Variants in TG observed in about 807,000 individuals in gnomAD.
TG encodes thyroglobulin, also known as thyroid hormones.
TG carries 270 observed loss-of-function variants against 324.7 expected under a neutral mutation model. That is an observed-to-expected ratio of 0.83 (90% CI 0.75 to 0.92). The LOEUF is 0.92. Among genes scored for constraint, TG ranks in the 40% least tolerant of loss-of-function variants. The pLI is 0.00. For synonymous variants in TG, 1,401 were observed against 1,327.0 expected (o/e 1.06, Z -1.21); for missense variants, 3,591 against 3,456.4 (o/e 1.04, Z -0.98).
intron 5 of TG, among the ~76,000 whole-genome samples, chr8:132,876,011 A>G (rs1031231888): frequency 6.6e-6 from 1 of 150,906 alleles, no homozygotes; most frequent in African/African-American, 2.4e-5. Context: ...GCAAAGAGTA[A>G]TTTTTTTTTT....
At chr8:132,947,063 A>G (rs1314244311) in intron 26 of TG, among the ~76,000 whole-genome samples, 1 of 152,010 alleles carries the variant, frequency 6.6e-6, no homozygotes, top group Admixed American at 6.5e-5. Flanking sequence ...TGCTGCCCTC[A>G]CGTTCCACAG....
chr8:132,979,928 C>A (rs1414478258), intron 34 of TG, among the ~76,000 whole-genome samples: 1 of 152,124 alleles, frequency 6.6e-6, no homozygotes, highest in South Asian at 2.1e-4. Flanking sequence ...GCACTTCTGA[C>A]CATATAAATT....
At chr8:132,956,469 G>T (rs1475764314) in intron 27 of TG, among the ~76,000 whole-genome samples, 17 of 152,218 alleles carry the variant, frequency 1.1e-4, no homozygotes, top group Admixed American at 6.5e-5. Flanking sequence ...ACCAGCTGGA[G>T]AGCTCAGGGA....
intron 26 of TG, among the ~76,000 whole-genome samples, chr8:132,947,009 G>A (rs1017007509): frequency 2.6e-5 from 4 of 152,150 alleles, no homozygotes; most frequent in African/African-American, 9.7e-5. Context: ...ACAGTGATCA[G>A]CCTTCCTCGA....
At chr8:133,054,815 C>A (rs984404181) in intron 41 of TG, among the ~76,000 whole-genome samples, 1 of 152,180 alleles carries the variant, frequency 6.6e-6, no homozygotes, top group South Asian at 2.1e-4. Context: ...GGGGAGGGAC[C>A]CAGGCAGGCC....
At chr8:132,972,576 G>GTT (rs34669143) in intron 33 of TG, 22 bp from the exon 34 acceptor site, 151 of 1,480,514 alleles carry the variant, frequency 1.0e-4, no homozygotes, top group Admixed American at 4.0e-4. Flanking sequence ...GTGGTTTTTT[G>GTT]TTTTTTTTTT....
rs1839291510 is a variant in TG, at chr8:132,869,654, A to C, written c.177-75A>C. The C allele has an allele frequency of 6.2e-6, 8 of 1,283,534 alleles. No homozygotes were observed. In the South Asian group the frequency reaches 8.3e-5, roughly 13 times the overall value. The allele number at this position is 1,283,534 out of a possible 1,614,324, so 79.5% of individuals were successfully genotyped here. A position where few individuals can be genotyped will look rare whatever the true frequency, so the allele number is the denominator to read the frequency against. ...TGCAAGAATGGAAATGAAGAAGAAAAGTAGCCTGAGTGGGAGCCGGCATGT... is the reference window on the plus strand; with the variant it reads ...TGCAAGAATGGAAATGAAGAAGAAACGTAGCCTGAGTGGGAGCCGGCATGT... On this transcript the variant is annotated intron_variant, in intron 2 of 47. Transcript: ENST00000220616.
At chr8:132,970,132 C>G (rs1023112649) in intron 32 of TG, among the ~76,000 whole-genome samples, 3 of 151,882 alleles carry the variant, frequency 2.0e-5, no homozygotes, top group African/African-American at 7.3e-5. Flanking sequence ...ATTGTCAAAA[C>G]CTCACATTGC....
At chr8:133,072,797 G>A (rs1469062949) in intron 41 of TG, 1 of 152,050 alleles carries the variant, frequency 6.6e-6, no homozygotes, top group African/African-American at 2.4e-5. Context: ...AGTGTTATTC[G>A]GAAAGCGACT....
chr8:133,024,960 C>T (rs1248008891), intron 40 of TG, among the ~76,000 whole-genome samples: 1 of 152,164 alleles, frequency 6.6e-6, no homozygotes, highest in Non-Finnish European at 1.5e-5. Context: ...AATCTCATTA[C>T]TGGGTATATA....
At chr8:133,103,395 C>G (rs946271558) in intron 43 of TG, among the ~76,000 whole-genome samples, 1 of 152,180 alleles carries the variant, frequency 6.6e-6, no homozygotes, top group African/African-American at 2.4e-5. Context: ...CCCCACATTA[C>G]CCCTCACAGC....
rs530685764 is a variant in TG at position 132,875,545 on chromosome 8, G to GCCT, written c.638+2325_638+2327dup. On this transcript the variant is annotated intron_variant, in intron 5 of 47. Transcript: ENST00000220616. ...GTTCCCCTACAGTGCATGGCACAGA[G>GCCT]CCTTGCACACAGCAGGTCTGGAATC... is the stretch of plus-strand genomic sequence containing the variant. Among the ~76,000 whole-genome samples the GCCT allele has an allele frequency of 2.1e-3, 325 of 152,306 alleles. 2 individuals are homozygous for GCCT. Among genetic ancestry groups the GCCT allele is most frequent in the African/African-American group, 7.6e-3 (317 of 41,552 alleles).
rs147961604 is a variant in TG at position 132,964,889 on chromosome 8, A to T, written c.5549-1671A>T. 3.1e-4 allele frequency: 217 copies of T among 702,100 alleles called. No homozygotes were observed. The African/African-American group carries it at 3.2e-3, about 11-fold the overall frequency. The allele number at this position is 702,100 out of a possible 1,614,324, so 43.5% of individuals were successfully genotyped here. On this transcript the variant is annotated intron_variant, in intron 29 of 47. Transcript: ENST00000220616. ...TGCTAGCAGCCTGCAGGGGCCAGGAAAGGTTTCTCGGAGGAGGCCAGAAGG... is the reference window on the plus strand; with the variant it reads ...TGCTAGCAGCCTGCAGGGGCCAGGATAGGTTTCTCGGAGGAGGCCAGAAGG...
intron 35 of TG, among the ~76,000 whole-genome samples, chr8:133,006,321 G>A (rs73359323): frequency 0.02 from 3,008 of 152,296 alleles, 101 homozygotes; most frequent in African/African-American, 0.066. Flanking sequence ...AAACTTGGAC[G>A]TGTGTCGGAA....
chr8:132,869,142 T>C (rs527245568), intron 2 of TG, among the ~76,000 whole-genome samples: 66 of 152,314 alleles, frequency 4.3e-4, no homozygotes, highest in Admixed American at 1.8e-3. Flanking sequence ...TGTTCTGGCC[T>C]CTTGCAGTTT....
At chr8:133,125,824 T>C (rs1851474578) in intron 45 of TG, among the ~76,000 whole-genome samples, 1 of 152,142 alleles carries the variant, frequency 6.6e-6, no homozygotes, top group Non-Finnish European at 1.5e-5. Flanking sequence ...AAATGAGTCT[T>C]GTAGTTCACA....
intron 26 of TG, among the ~76,000 whole-genome samples, chr8:132,943,650 A>G (rs925752861): frequency 6.6e-6 from 1 of 152,014 alleles, no homozygotes; most frequent in African/African-American, 2.4e-5. Context: ...CACAGAGTCC[A>G]TGACCTCCGA....
intron 45 of TG, among the ~76,000 whole-genome samples, chr8:133,131,080 C>A (rs1851912359): frequency 6.6e-6 from 1 of 152,214 alleles, no homozygotes; most frequent in Non-Finnish European, 1.5e-5. Flanking sequence ...CCAGACCTCT[C>A]TTTGGGCAAA....
chr8:133,114,409 G>A (rs969526760), intron 44 of TG, among the ~76,000 whole-genome samples: 4 of 152,164 alleles, frequency 2.6e-5, no homozygotes, highest in East Asian at 1.9e-4. Context: ...AGGGGTTGTC[G>A]GGACAGACCT....
Sources: allele counts gnomAD v4.1 joint callset (sites outside exome capture counted in the v4.1 genomes callset), GRCh38; gene constraint gnomAD v4.1.1; transcripts MANE v1.5; gene names NCBI Gene and HGNC (gene_info 2026-07-23, HGNC 2026-07-21).